LRRTM4: variants seen among roughly 807,000 people sequenced by gnomAD.
The protein encoded by LRRTM4 is leucine-rich repeat transmembrane neuronal protein 4.
A neutral mutation model predicts 47.6 loss-of-function variants in LRRTM4; 25 were observed. The observed-to-expected ratio is 0.53, with a 90% CI of 0.38 to 0.73. The LOEUF (loss-of-function observed/expected upper bound fraction) is 0.73. Among genes scored for constraint, LRRTM4 ranks in the 30% least tolerant of loss-of-function variants. LRRTM4 has a pLI of 0.00. For missense variants in LRRTM4, 638 were observed against 713.4 expected (o/e 0.89, Z 1.20); for synonymous variants, 311 against 269.5 (o/e 1.15, Z -1.51).
rs187570671 is a variant in LRRTM4, at chr2:77,084,056, C to A, written c.1552-335140G>T. Among the ~76,000 whole-genome samples, 740 of 152,060 alleles carry A rather than the reference C, an allele frequency of 4.9e-3. 3 individuals carry two copies. Among genetic ancestry groups the A allele is most frequent in the Non-Finnish European group, 9.3e-3 (635 of 67,960 alleles). ...TCCTGACCTCGTGATCCACCCGCCT[C>A]GGCCTCCCAAAGTGCTGGGATTACA... On this transcript the variant is annotated intron_variant, in intron 3 of 3. Transcript: ENST00000409884.
chr2:77,399,975 G>C (rs1276153590), intron 3 of LRRTM4, among the ~76,000 whole-genome samples: 1 of 151,758 alleles, frequency 6.6e-6, no homozygotes, highest in African/African-American at 2.4e-5. Context: ...CTCGCTAATG[G>C]CTAATTTATG....
chr2:76,990,097 T>C (rs1345904407), intron 3 of LRRTM4, among the ~76,000 whole-genome samples: 5 of 151,788 alleles, frequency 3.3e-5, no homozygotes, highest in African/African-American at 1.2e-4. Flanking sequence ...AATGCCTTAA[T>C]CACTCTTTAC....
chr2:76,835,299 TGTGA>T (rs149748018), intron 3 of LRRTM4, among the ~76,000 whole-genome samples: 37,081 of 151,600 alleles, frequency 0.24, 4,905 homozygotes, highest in East Asian at 0.4. Context: ...TGAAAACTAA[TGTGA>T]GTGTCTGGCT....
At chr2:76,789,361 T>A (rs1674847780) in intron 3 of LRRTM4, among the ~76,000 whole-genome samples, 1 of 152,216 alleles carries the variant, frequency 6.6e-6, no homozygotes, top group South Asian at 2.1e-4. Context: ...TCGCAGCCTC[T>A]TGACCTCACC....
chr2:77,186,083 C>G (rs984048242), intron 3 of LRRTM4, among the ~76,000 whole-genome samples: 1 of 152,124 alleles, frequency 6.6e-6, no homozygotes, highest in African/African-American at 2.4e-5. Context: ...CTAATATATT[C>G]ATTGTTTTTC....
At chr2:76,868,760 T>C (rs1425070100) in intron 3 of LRRTM4, among the ~76,000 whole-genome samples, 1 of 152,174 alleles carries the variant, frequency 6.6e-6, no homozygotes, top group Non-Finnish European at 1.5e-5. Context: ...AAACTTAAAC[T>C]GAGTCAGACC....
At chr2:77,016,857 T>C (rs923714960) in intron 3 of LRRTM4, among the ~76,000 whole-genome samples, 21 of 152,142 alleles carry the variant, frequency 1.4e-4, no homozygotes, top group Admixed American at 4.6e-4. Flanking sequence ...AATTGGATAT[T>C]TGAAATGATA....
intron 3 of LRRTM4, among the ~76,000 whole-genome samples, chr2:77,221,362 C>T (rs1323154404): frequency 6.6e-6 from 1 of 152,140 alleles, no homozygotes; most frequent in Admixed American, 6.5e-5. Context: ...ACAATACTAA[C>T]CTTAAATGTA....
At chr2:76,946,072 A>C (rs935492887) in intron 3 of LRRTM4, among the ~76,000 whole-genome samples, 8 of 151,936 alleles carry the variant, frequency 5.3e-5, no homozygotes, top group African/African-American at 1.9e-4. Context: ...TAGGCACATT[A>C]TATCTTGTCT....
chr2:77,477,901 G>GAAA, intron 3 of LRRTM4, among the ~76,000 whole-genome samples: 1 of 71,106 alleles, frequency 1.4e-5, no homozygotes, highest in East Asian at 5.2e-4. Flanking sequence ...GAAAAAGAAA[G>GAAA]AAAAAGAAAG....
At chr2:77,411,866 G>T (rs1050058808) in intron 3 of LRRTM4, among the ~76,000 whole-genome samples, 5 of 152,028 alleles carry the variant, frequency 3.3e-5, no homozygotes, top group African/African-American at 1.2e-4. Flanking sequence ...TGCTCTGAAA[G>T]ACAAGAATAC....
intron 3 of LRRTM4, among the ~76,000 whole-genome samples, chr2:77,018,494 C>G (rs948389459): frequency 2.6e-4 from 39 of 152,142 alleles, no homozygotes; most frequent in African/African-American, 9.2e-4. Context: ...GATGGATTAA[C>G]GCATGATGGC....
At chr2:76,945,961 G>A (rs533025612) in intron 3 of LRRTM4, among the ~76,000 whole-genome samples, 1 of 151,896 alleles carries the variant, frequency 6.6e-6, no homozygotes, top group South Asian at 2.1e-4. Context: ...TAAACAATAA[G>A]AGTTTCTCTT....
chr2:77,046,618 G>T (rs901434831), intron 3 of LRRTM4, among the ~76,000 whole-genome samples: 6 of 151,936 alleles, frequency 3.9e-5, no homozygotes, highest in African/African-American at 1.5e-4. Flanking sequence ...ATGTTGCAGT[G>T]CAGAGATTCA....
chr2:76,778,643 TTCTC>T (rs1208384449), intron 3 of LRRTM4, among the ~76,000 whole-genome samples: 5 of 152,172 alleles, frequency 3.3e-5, no homozygotes, highest in South Asian at 2.1e-4. Flanking sequence ...CATTTGATTC[TTCTC>T]TCTTTTTTTC....
chr2:76,904,727 C>T (rs1434207888), intron 3 of LRRTM4, among the ~76,000 whole-genome samples: 7 of 152,090 alleles, frequency 4.6e-5, no homozygotes, highest in East Asian at 1.9e-4. Flanking sequence ...CATACACCAC[C>T]GTCAAGTTTT....
intron 3 of LRRTM4, among the ~76,000 whole-genome samples, chr2:77,444,991 CACTA>C (rs1675995745): frequency 7.8e-6 from 1 of 128,800 alleles, no homozygotes; most frequent in African/African-American, 3.1e-5. Context: ...AAAAAAAAAA[CACTA>C]AATTAGAAAG....
intron 3 of LRRTM4, among the ~76,000 whole-genome samples, chr2:76,953,568 C>T (rs1271749764): frequency 6.6e-6 from 1 of 151,788 alleles, no homozygotes; most frequent in Non-Finnish European, 1.5e-5. Context: ...GCCCAAGGGA[C>T]TGACTAGGAG....
intron 3 of LRRTM4, among the ~76,000 whole-genome samples, chr2:77,184,872 A>C (rs1673455504): frequency 6.6e-6 from 1 of 152,184 alleles, no homozygotes; most frequent in Non-Finnish European, 1.5e-5. Flanking sequence ...TTTGAAAATA[A>C]GATAGCGTTG....
Sources: gnomAD v4.1 joint callset for allele counts (sites outside exome capture counted in the v4.1 genomes callset) on GRCh38, gnomAD v4.1.1 for gene constraint, MANE v1.5 for transcripts, NCBI Gene and HGNC (gene_info 2026-07-23, HGNC 2026-07-21) for gene names.